ZNF385D: variants seen among roughly 807,000 people sequenced by gnomAD.
ZNF385D encodes the protein zinc finger protein 659.
In ZNF385D, 15 loss-of-function variants were observed where a neutral mutation model predicts 35.8. The ratio of observed to expected loss-of-function variants is 0.42; its 90% CI spans 0.28 to 0.64. The LOEUF is 0.64. ZNF385D is among the 30% of genes least tolerant of loss of function. The pLI is 0.23. For synonymous variants in ZNF385D, 212 were observed against 186.8 expected (o/e 1.13, Z -1.10); for missense variants, 474 against 494.6 (o/e 0.96, Z 0.39).
At chr3:21,959,104 A>G (rs897894471) in intron 3 of ZNF385D, among the ~76,000 whole-genome samples, 1 of 152,210 alleles carries the variant, frequency 6.6e-6, no homozygotes, top group Admixed American at 6.6e-5. Flanking sequence ...TAATACAGTT[A>G]CATAAATGTC....
At chr3:22,017,839 T>C (rs1262811609) in intron 3 of ZNF385D, among the ~76,000 whole-genome samples, 1 of 151,992 alleles carries the variant, frequency 6.6e-6, no homozygotes, top group Non-Finnish European at 1.5e-5. Flanking sequence ...TTTGGATCTA[T>C]TAATATGTTT....
intron 3 of ZNF385D, among the ~76,000 whole-genome samples, chr3:21,927,810 A>G (rs886294160): frequency 6.6e-6 from 1 of 152,180 alleles, no homozygotes; most frequent in African/African-American, 2.4e-5. Flanking sequence ...TCATCTAACA[A>G]TAGAGCTCCA....
At chr3:21,944,436 T>A (rs551908341) in intron 3 of ZNF385D, among the ~76,000 whole-genome samples, 82 of 152,244 alleles carry the variant, frequency 5.4e-4, no homozygotes, top group African/African-American at 1.9e-3. Flanking sequence ...ACCAATATAT[T>A]AGAAACAATG....
chr3:22,073,941 A>T (rs900486609), intron 3 of ZNF385D, among the ~76,000 whole-genome samples: 1 of 151,988 alleles, frequency 6.6e-6, no homozygotes, highest in African/African-American at 2.4e-5. Flanking sequence ...TTCATGTATT[A>T]AAAGGAACAT....
intron 3 of ZNF385D, among the ~76,000 whole-genome samples, chr3:21,804,707 G>A (rs2072558021): frequency 6.6e-6 from 1 of 152,118 alleles, no homozygotes; most frequent in Non-Finnish European, 1.5e-5. Flanking sequence ...AATTTAAACA[G>A]TTTTTAATTT....
chr3:22,123,618 G>C (rs1244336476), intron 3 of ZNF385D, among the ~76,000 whole-genome samples: 1 of 152,162 alleles, frequency 6.6e-6, no homozygotes, highest in Non-Finnish European at 1.5e-5. Flanking sequence ...CCAACACTAT[G>C]GGAGGCCAAA....
intron 3 of ZNF385D, among the ~76,000 whole-genome samples, chr3:21,871,296 A>G (rs1231961834): frequency 6.6e-6 from 1 of 152,174 alleles, no homozygotes; most frequent in African/African-American, 2.4e-5. Flanking sequence ...GATGATCTTT[A>G]ACCTTGCACT....
intron 3 of ZNF385D, among the ~76,000 whole-genome samples, chr3:21,948,633 T>C (rs1701910052): frequency 6.6e-6 from 1 of 152,158 alleles, no homozygotes; most frequent in African/African-American, 2.4e-5. Context: ...TTTATCAGTT[T>C]TATTTTTTCT....
chr3:21,456,211 T>C (rs1702797489), intron 4 of ZNF385D, among the ~76,000 whole-genome samples: 1 of 152,156 alleles, frequency 6.6e-6, no homozygotes, highest in South Asian at 2.1e-4. Flanking sequence ...AGAAATACCA[T>C]TTGACCCAGC....
chr3:22,137,313 T>A (rs1282070112), intron 3 of ZNF385D, among the ~76,000 whole-genome samples: 1 of 152,150 alleles, frequency 6.6e-6, no homozygotes, highest in East Asian at 1.9e-4. Context: ...CCTCCCTAAC[T>A]CATTTTACGA....
chr3:21,925,039 C>G (rs1355674104), intron 3 of ZNF385D, among the ~76,000 whole-genome samples: 1 of 152,146 alleles, frequency 6.6e-6, no homozygotes, highest in African/African-American at 2.4e-5. Context: ...ATACCATGTT[C>G]ATGGTTTGGA....
intron 3 of ZNF385D, among the ~76,000 whole-genome samples, chr3:21,995,944 GC>G: frequency 6.6e-6 from 1 of 152,186 alleles, no homozygotes. Flanking sequence ...TACTGTGTGG[GC>G]TAGAGTGCTG....
At chr3:21,791,670 A>G (rs1239375984) in intron 3 of ZNF385D, among the ~76,000 whole-genome samples, 2 of 152,222 alleles carry the variant, frequency 1.3e-5, no homozygotes, top group African/African-American at 4.8e-5. Context: ...ATGAAAACTA[A>G]TACAAAGTTT....
intron 2 of ZNF385D, among the ~76,000 whole-genome samples, chr3:21,657,178 T>G (rs1019871508): frequency 7.2e-5 from 11 of 152,066 alleles, no homozygotes; most frequent in Middle Eastern, 3.4e-3. Flanking sequence ...TTTACCACAT[T>G]GCTTGCCACT....
At chr3:21,795,647 G>C (rs1037145941) in intron 3 of ZNF385D, among the ~76,000 whole-genome samples, 4 of 152,144 alleles carry the variant, frequency 2.6e-5, no homozygotes, top group Non-Finnish European at 4.4e-5. Context: ...CTCCTAGTGG[G>C]AGAAAAATAA....
chr3:21,825,762 A>G (rs1295722480), intron 3 of ZNF385D, among the ~76,000 whole-genome samples: 1 of 152,100 alleles, frequency 6.6e-6, no homozygotes, highest in African/African-American at 2.4e-5. Context: ...TTTCCCACAA[A>G]CGCTAGCCCA....
At chr3:21,600,593 A>G (rs1392184669) in intron 2 of ZNF385D, among the ~76,000 whole-genome samples, 4 of 152,206 alleles carry the variant, frequency 2.6e-5, no homozygotes, top group Non-Finnish European at 1.5e-5. Context: ...CCTATTCATG[A>G]TTTAGTCTTG....
At chr3:22,170,271 G>C (rs1021583213) in intron 2 of ZNF385D, among the ~76,000 whole-genome samples, 8 of 152,312 alleles carry the variant, frequency 5.3e-5, no homozygotes, top group African/African-American at 1.7e-4. Context: ...CACAAAAGTG[G>C]TCCTTGCAAT....
chr3:21,771,906 A>C (rs2071092884), intron 3 of ZNF385D, among the ~76,000 whole-genome samples: 1 of 151,990 alleles, frequency 6.6e-6, no homozygotes, highest in Non-Finnish European at 1.5e-5. Flanking sequence ...ATAGAATAGA[A>C]AGCCCAGAAA....
Sources: gnomAD v4.1 joint callset for allele counts (sites outside exome capture counted in the v4.1 genomes callset) on GRCh38, gnomAD v4.1.1 for gene constraint, MANE v1.5 for transcripts, NCBI Gene and HGNC (gene_info 2026-07-23, HGNC 2026-07-21) for gene names.